SPATA31C1: variants seen among roughly 807,000 people sequenced by gnomAD.
SPATA31C1 encodes spermatogenesis-associated protein 31C1.
At chr9:87,916,240 A>C (rs566410208) in intron 1 of SPATA31C1, among the ~76,000 whole-genome samples, 1 of 135,766 alleles carries the variant, frequency 7.4e-6, no homozygotes, top group African/African-American at 2.8e-5. Context: ...AGATGGAGGA[A>C]GACTCCATCT....
At chr9:87,919,643 C>G in intron 3 of SPATA31C1, among the ~76,000 whole-genome samples, 1 of 83,366 alleles carries the variant, frequency 1.2e-5, no homozygotes, top group Non-Finnish European at 2.5e-5. Context: ...TCTGCTAAGG[C>G]TGATTCCTCT....
exon 5 of SPATA31C1, chr9:87,922,222 G>A: frequency 1.2e-6 from 2 of 1,613,270 alleles, no homozygotes; most frequent in Non-Finnish European, 1.7e-6. Flanking sequence ...GGACAGGAGG[G>A]CAGGTGGCCA....
At chr9:87,923,497 G>A in exon 5 of SPATA31C1, 1 of 1,552,594 alleles carries the variant, frequency 6.4e-7, no homozygotes, top group African/African-American at 1.4e-5. Context: ...CTTTTTCAGG[G>A]AGGTATCTAA....
At position 87,920,964 on chromosome 9, in the gene SPATA31C1, C is replaced by G. The variant is rs778630900; in HGVS notation, n.1354C>G. The stretch of plus-strand genomic sequence containing the variant: ...ATCCACACCCCAATTCCGGCCCACA[C>G]CTATGGCTCAGGCCGAGGCTCAGGC... On this transcript the variant is annotated non_coding_transcript_exon_variant, in exon 5 of 5. Coordinates refer to ENST00000420021, the Ensembl canonical transcript of SPATA31C1. The G allele has an allele frequency of 5.0e-6, 8 of 1,613,070 alleles. No homozygotes were observed. In the South Asian group the frequency reaches 7.7e-5, roughly 15 times the overall value.
At chr9:87,919,393 G>T in intron 3 of SPATA31C1, 45 bp downstream of exon 2, 2 of 1,598,018 alleles carry the variant, frequency 1.3e-6, no homozygotes, top group Non-Finnish European at 1.7e-6. Flanking sequence ...GATCTCATCT[G>T]TCCGGGAGGG....
chr9:87,919,058 C>A lies in SPATA31C1; in HGVS notation n.523-233C>A, dbSNP rs184682015. ...GTGCTTGGATTATAGGCGTGAGCCACCGCACCCGACCCCCTCTTCCTGTTT... is the reference window on the plus strand; with the variant it reads ...GTGCTTGGATTATAGGCGTGAGCCAACGCACCCGACCCCCTCTTCCTGTTT... On this transcript the variant is annotated intron_variant and non_coding_transcript_variant, in intron 2 of 4. Transcript: ENST00000420021. 1,948 of 879,082 alleles carry A rather than the reference C, an allele frequency of 2.2e-3. 7 individuals are homozygous for A. The highest frequency in any genetic ancestry group is 2.6e-3 in the Non-Finnish European group (1,513 of 582,888). The allele number at this position is 879,082 out of a possible 1,614,324, so 54.5% of individuals were successfully genotyped here.
exon 5 of SPATA31C1, chr9:87,921,884 T>C: frequency 6.2e-7 from 1 of 1,612,060 alleles, no homozygotes; most frequent in Non-Finnish European, 8.5e-7. Context: ...TTGTGAGGTT[T>C]TGGGCCAAAC....
Position 87,919,253 on chromosome 9 carries a change from A to G in SPATA31C1, n.523-38A>G, listed in dbSNP as rs1828782909. ...AGCTCCTCGCCATTTCTTGTCTCCC[A>G]GCGTCATCTTGTCTCCCAGCGTCAT... On this transcript the variant is annotated intron_variant and non_coding_transcript_variant, in intron 2 of 4. Transcript: ENST00000420021. The G allele has an allele frequency of 6.3e-7, 1 of 1,599,660 alleles. No homozygotes were observed. Among genetic ancestry groups the G allele is most frequent in the Non-Finnish European group, 8.5e-7 (1 of 1,173,872 alleles).
chr9:87,921,288 C>G (rs761807749), exon 5 of SPATA31C1: 38 of 1,611,882 alleles, frequency 2.4e-5, no homozygotes, highest in Admixed American at 3.3e-5. Context: ...ACAACTGGAG[C>G]AATACATGGG....
exon 5 of SPATA31C1, chr9:87,920,712 C>G (rs562949328): frequency 5.6e-6 from 9 of 1,614,020 alleles, no homozygotes; most frequent in South Asian, 2.2e-5. Flanking sequence ...CTTGTCTCCA[C>G]GTGAGGATTT....
intron 2 of SPATA31C1, chr9:87,918,980 G>C (rs1024097442): frequency 7.4e-6 from 3 of 408,114 alleles, no homozygotes; most frequent in Non-Finnish European, 9.6e-6. Context: ...ACCATGGCCA[G>C]GCTGGTCTCA....
chr9:87,920,982 G>T (rs1828845270), exon 5 of SPATA31C1: 2 of 1,612,896 alleles, frequency 1.2e-6, no homozygotes, highest in African/African-American at 2.7e-5. Flanking sequence ...TCAGGCCGAG[G>T]CTCAGGCCCA....
At chr9:87,919,052 G>C (rs930098090) in intron 2 of SPATA31C1, 2 of 817,822 alleles carry the variant, frequency 2.4e-6, no homozygotes, top group South Asian at 1.5e-5. Context: ...TTATAGGCGT[G>C]AGCCACCGCA....
exon 5 of SPATA31C1, chr9:87,921,717 C>T: frequency 3.7e-6 from 6 of 1,612,066 alleles, no homozygotes; most frequent in Non-Finnish European, 5.1e-6. Context: ...GAGTGTGCGT[C>T]GATCCTGGCT....
At chr9:87,920,318 G>A (rs369763880) in exon 5 of SPATA31C1, 133 of 1,613,830 alleles carry the variant, frequency 8.2e-5, no homozygotes, top group Non-Finnish European at 1.1e-4. Flanking sequence ...CGCCAGGTGA[G>A]GTGGGCAAAA....
In SPATA31C1 at chr9:87,919,308, G is replaced by A. The variant is rs575976396; in HGVS notation, n.540G>A. ...TCTCCCAGTGTCCAACAGGGCGGAG[G>A]GGGAGGCCCAGAGGCAGGATGAAAA... On this transcript the variant is annotated non_coding_transcript_exon_variant, in exon 3 of 5. Coordinates refer to ENST00000420021, the Ensembl canonical transcript of SPATA31C1. 8.9e-5 allele frequency: 142 copies of A among 1,601,858 alleles called. 9 individuals carry two copies. The South Asian group carries it at 1.3e-3, about 14-fold the overall frequency.
Position 87,921,137 on chromosome 9 carries a change from A to G in SPATA31C1, n.1527A>G, listed in dbSNP as rs751393281. 1.4e-5 allele frequency: 23 copies of G among 1,611,694 alleles called. 1 individual carries two copies. The African/African-American group carries it at 2.3e-4, about 16-fold the overall frequency. On this transcript the variant is annotated non_coding_transcript_exon_variant, in exon 5 of 5. Transcript: ENST00000420021. ...ACCCTGAAAGGCCTTTGTTGAGGAAACAACTAGAAGGTGGGTTGGCTTTAC... is the reference window on the plus strand; with the variant it reads ...ACCCTGAAAGGCCTTTGTTGAGGAAGCAACTAGAAGGTGGGTTGGCTTTAC...
rs991607890 is a variant in SPATA31C1 at position 87,919,402 on chromosome 9, G to A, written n.580+54G>A. On this transcript the variant is annotated intron_variant and non_coding_transcript_variant, in intron 3 of 4. Transcript: ENST00000420021. ...TAATTTGATCTCATCTGTCCGGGAG[G>A]GAACTGACTCTGAAGAAGTCAGTTG... 3.8e-6 allele frequency: 6 copies of A among 1,595,540 alleles called. No individual in the cohort carries two copies. In the East Asian group the frequency reaches 9.4e-5, roughly 25 times the overall value.
exon 5 of SPATA31C1, chr9:87,920,957 G>T (rs1394327911): frequency 6.2e-7 from 1 of 1,612,944 alleles, no homozygotes; most frequent in East Asian, 2.2e-5. Context: ...CCCAATTCCG[G>T]CCCACACCTA....
Sources: gnomAD v4.1 joint callset for allele counts (sites outside exome capture counted in the v4.1 genomes callset) on GRCh38, gnomAD v4.1.1 for gene constraint, MANE v1.5 for transcripts, NCBI Gene and HGNC (gene_info 2026-07-23, HGNC 2026-07-21) for gene names.